Variants in ADAM22 observed in about 807,000 individuals in gnomAD.
ADAM22 encodes disintegrin and metalloproteinase domain-containing protein 22.
Under a neutral mutation model 144.6 loss-of-function variants are expected in ADAM22, and 65 were observed. The observed-to-expected ratio is 0.45, with a 90% CI of 0.37 to 0.55. The LOEUF (loss-of-function observed/expected upper bound fraction) is 0.55. ADAM22 is among the 20% of genes least tolerant of loss of function. The pLI, the probability that ADAM22 is intolerant of heterozygous loss-of-function variation, is 0.00. For synonymous variants in ADAM22, 391 were observed against 412.6 expected (o/e 0.95, Z 0.63); for missense variants, 974 against 1,184.9 (o/e 0.82, Z 2.61).
chr7:87,955,407 C>A (rs1312433405), intron 2 of ADAM22, among the ~76,000 whole-genome samples: 1 of 152,144 alleles, frequency 6.6e-6, no homozygotes, highest in Non-Finnish European at 1.5e-5. Flanking sequence ...CACTGCAGAC[C>A]CTGTTTGCCT....
At chr7:87,998,229 C>T (rs149719370) in intron 3 of ADAM22, among the ~76,000 whole-genome samples, 4,202 of 152,146 alleles carry the variant, frequency 0.028, 189 homozygotes, top group African/African-American at 0.095. Flanking sequence ...CTGCCTCTCC[C>T]GGTCCACTGA....
At chr7:87,934,767 T>A in intron 1 of ADAM22, 1 of 661,262 alleles carries the variant, frequency 1.5e-6, no homozygotes, top group Non-Finnish European at 2.5e-6. Flanking sequence ...AAGCCTGTTT[T>A]TCTCCTTCTG....
Position 88,145,168 on chromosome 7 carries a change from G to C in ADAM22, c.1364G>C (p.Gly455Ala). 6.2e-7 allele frequency: 1 copy of C among 1,613,824 alleles called. No individual in the cohort carries two copies. Among genetic ancestry groups the C allele is most frequent in the South Asian group, 1.1e-5 (1 of 91,042 alleles). Residue 455 changes from glycine to alanine, a missense_variant, in exon 16 of 32, where the codon GGA becomes GCA. Physicochemically the swap from Gly to Ala is moderately conservative, Grantham distance 60. Around this residue, in one of 2 missense-constraint regions of ADAM22, gnomAD observed 734 missense variants for 950.6 expected, o/e 0.77. Coordinates refer to ENST00000413139, the MANE Select transcript of ADAM22 (RefSeq NM_001324418.2). ...TGTGGCAATGGCTTCATTGAAACTG[G>C]AGAGGAGTGTGATTGTGGAACCCCG... ...PECGNGFIET[G>A]EECDCGTPAE... is the part of the protein sequence containing the mutation.
Position 88,134,370 on chromosome 7 carries a change from A to G in ADAM22, c.1119A>G (p.Ser373=). 6.2e-7 allele frequency: 1 copy of G among 1,610,798 alleles called. No individual in the cohort carries two copies. The highest frequency in any genetic ancestry group is 8.5e-7 in the Non-Finnish European group (1 of 1,178,988). ...TDLMAVTLAQ[S]LAHNIGIISD... The stretch of plus-strand genomic sequence containing the variant: ...TAATGGCTGTTACACTTGCCCAGTC[A>G]TTAGCCCATAATATTGGTATTATCT... Residue 373 remains serine (S), a synonymous_variant, in exon 13 of 32, where the codon TCA becomes TCG. Coordinates refer to ENST00000413139, the MANE Select transcript of ADAM22 (RefSeq NM_001324418.2).
At chr7:87,977,789 G>A (rs1377473953) in intron 2 of ADAM22, among the ~76,000 whole-genome samples, 1 of 152,078 alleles carries the variant, frequency 6.6e-6, no homozygotes, top group African/African-American at 2.4e-5. Flanking sequence ...GGCAGTAGAT[G>A]TGCAGAGGTT....
chr7:87,940,047 C>T (rs559884800), intron 2 of ADAM22, among the ~76,000 whole-genome samples: 11 of 151,802 alleles, frequency 7.2e-5, no homozygotes, highest in Non-Finnish European at 1.5e-4. Flanking sequence ...CAAAAATTAG[C>T]CTGGTGTGGT....
chr7:88,150,882 T>C, intron 18 of ADAM22, 99 bp from the exon 19 acceptor site: 2 of 1,020,160 alleles, frequency 2.0e-6, no homozygotes, highest in Non-Finnish European at 3.0e-6. Context: ...GGACTAGCCA[T>C]ATTAACAAAT....
chr7:88,114,477 G>A (rs891819377), intron 5 of ADAM22, 107 bp from the exon 6 acceptor site: 6 of 924,708 alleles, frequency 6.5e-6, no homozygotes, highest in African/African-American at 4.9e-5. Flanking sequence ...ACTGGGAAAT[G>A]GGCATTGAGA....
At chr7:88,116,425 G>A (rs2129490404) in intron 6 of ADAM22, among the ~76,000 whole-genome samples, 1 of 152,220 alleles carries the variant, frequency 6.6e-6, no homozygotes, top group East Asian at 1.9e-4. Context: ...TCCGTGAAAG[G>A]AATCAGTAAT....
In ADAM22 at chr7:88,160,157, G is replaced by A. The variant is rs566818341; in HGVS notation, c.1908-2855G>A. On this transcript the variant is annotated intron_variant, in intron 22 of 31. Coordinates refer to ENST00000413139, the MANE Select transcript of ADAM22 (RefSeq NM_001324418.2). ...CAGGAATGCAATTCCATTCACAATT[G>A]CCATAAAAATAATAAAGTACCCAGG... 3.3e-5 allele frequency among the ~76,000 whole-genome samples: 5 copies of A among 152,110 alleles called. No homozygotes were observed. The South Asian group carries it at 8.3e-4, about 25-fold the overall frequency.
At chr7:87,992,398 G>T (rs1790122748) in intron 3 of ADAM22, among the ~76,000 whole-genome samples, 1 of 152,092 alleles carries the variant, frequency 6.6e-6, no homozygotes, top group Admixed American at 6.5e-5. Flanking sequence ...ACTAACAAAG[G>T]GGGACTTCAT....
At chr7:87,961,908 G>GT (rs1848075946) in intron 2 of ADAM22, among the ~76,000 whole-genome samples, 1 of 152,168 alleles carries the variant, frequency 6.6e-6, no homozygotes, top group African/African-American at 2.4e-5. Context: ...TTTCAAAATG[G>GT]TTTTGTGTAG....
chr7:88,072,561 G>A (rs1213693845), intron 3 of ADAM22, among the ~76,000 whole-genome samples: 2 of 152,202 alleles, frequency 1.3e-5, no homozygotes, highest in African/African-American at 4.8e-5. Flanking sequence ...GGGATAGGGT[G>A]TTCTGCATTC....
intron 4 of ADAM22, among the ~76,000 whole-genome samples, chr7:88,107,844 G>A (rs755909322): frequency 1.3e-5 from 2 of 151,324 alleles, no homozygotes; most frequent in Non-Finnish European, 2.9e-5. Context: ...CTCCTGCCTC[G>A]CCTCTGAAAG....
chr7:88,101,519 C>A (rs1186567108), intron 4 of ADAM22, among the ~76,000 whole-genome samples: 1 of 152,156 alleles, frequency 6.6e-6, no homozygotes, highest in Non-Finnish European at 1.5e-5. Context: ...ACCCCTTTGT[C>A]CCAGGCAAAC....
intron 12 of ADAM22, among the ~76,000 whole-genome samples, chr7:88,133,371 T>TA (rs997065623): frequency 2.1e-5 from 3 of 143,822 alleles, no homozygotes; most frequent in African/African-American, 8.2e-5. Flanking sequence ...TCTAAATAAA[T>TA]AAATAAATAA....
At chr7:87,990,403 T>C (rs1174715467) in intron 3 of ADAM22, among the ~76,000 whole-genome samples, 1 of 152,230 alleles carries the variant, frequency 6.6e-6, no homozygotes, top group Non-Finnish European at 1.5e-5. Flanking sequence ...TTTTAAAATA[T>C]TGAAGTCTAA....
At chr7:88,068,210 G>A (rs1350194100) in intron 3 of ADAM22, among the ~76,000 whole-genome samples, 1 of 152,122 alleles carries the variant, frequency 6.6e-6, no homozygotes, top group Admixed American at 6.6e-5. Context: ...TGAAATGGAG[G>A]TGTTGGGGAG....
intron 3 of ADAM22, among the ~76,000 whole-genome samples, chr7:88,021,405 C>G (rs1477131565): frequency 6.6e-6 from 1 of 152,116 alleles, no homozygotes; most frequent in Non-Finnish European, 1.5e-5. Context: ...TGGGAAGAAA[C>G]CCCGGTATGT....
Sources: gnomAD v4.1 joint callset for allele counts (sites outside exome capture counted in the v4.1 genomes callset) on GRCh38, gnomAD v4.1.1 for gene constraint, gnomAD v4.1.1 regional missense constraint, MANE v1.5 for transcripts, NCBI Gene and HGNC (gene_info 2026-07-23, HGNC 2026-07-21) for gene names.